Variants in ADCY3 observed in about 807,000 individuals in gnomAD.
ADCY3 encodes adenylate cyclase 3.
A neutral mutation model predicts 119.4 loss-of-function variants in ADCY3; 70 were observed. The ratio of observed to expected loss-of-function variants is 0.59; its 90% CI spans 0.48 to 0.72. The LOEUF (loss-of-function observed/expected upper bound fraction) is 0.72, where lower values mean the gene tolerates loss of function less well. ADCY3 is among the 30% of genes least tolerant of loss of function. The pLI is 0.00. For missense variants in ADCY3, 1,238 were observed against 1,541.6 expected (o/e 0.80, Z 3.30); for synonymous variants, 672 against 621.4 (o/e 1.08, Z -1.21).
At chr2:24,821,451 G>T in intron 20 of ADCY3, 66 bp downstream of exon 20, 1 of 1,590,492 alleles carries the variant, frequency 6.3e-7, no homozygotes. Flanking sequence ...GTCTCTCCTG[G>T]TGGTGGGCCA....
Position 24,831,664 on chromosome 2 carries a change from G to T in ADCY3, c.2053C>A (p.Arg685=). ...CTCAGTAGAAAAGTGCCTCTTACCC[G>T]GGGAAAGATGGCAGCCAGGGAGCAG... ...TICSLAAIFP[R]AFPKKLVAFS... The change falls in exon 12 of 22, where the codon CGG becomes AGG. Residue 685 remains arginine, a splice_region_variant and synonymous_variant. Coordinates refer to ENST00000679454, the MANE Select transcript of ADCY3 (RefSeq NM_004036.5). 1 of 1,613,076 alleles carries T rather than the reference G, an allele frequency of 6.2e-7. No homozygotes were observed. The highest frequency in any genetic ancestry group is 2.2e-5 in the East Asian group (1 of 44,864).
chr2:24,822,354 A>G (rs1667898098), intron 19 of ADCY3, 157 bp downstream of exon 19: 2 of 1,104,264 alleles, frequency 1.8e-6, no homozygotes, highest in Admixed American at 2.3e-5. Flanking sequence ...AACTTTCTCA[A>G]TAAACCCTAT....
chr2:24,820,171 C>T (rs528098628), intron 21 of ADCY3, 57 bp from the exon 22 acceptor site: 18 of 431,352 alleles, frequency 4.2e-5, no homozygotes, highest in South Asian at 8.3e-5. Flanking sequence ...AGACTGAGGG[C>T]GGGTGGGGGC....
At chr2:24,908,468 C>T (rs1201219686) in intron 2 of ADCY3, among the ~76,000 whole-genome samples, 5 of 152,214 alleles carry the variant, frequency 3.3e-5, no homozygotes, top group South Asian at 2.1e-4. Flanking sequence ...TAGTTGATTA[C>T]GCAGAAAAGA....
chr2:24,851,402 C>G (rs935715393), intron 3 of ADCY3, among the ~76,000 whole-genome samples: 4 of 152,218 alleles, frequency 2.6e-5, no homozygotes, highest in Non-Finnish European at 4.4e-5. Context: ...AATCATCCCT[C>G]TCCTTTGCTA....
intron 3 of ADCY3, among the ~76,000 whole-genome samples, chr2:24,862,597 C>A (rs1328659680): frequency 6.6e-6 from 1 of 151,490 alleles, no homozygotes; most frequent in African/African-American, 2.4e-5. Flanking sequence ...AAAAATCAAG[C>A]TCGGGTCCCA....
At position 24,821,561 on chromosome 2, in the gene ADCY3, G is replaced by C; in HGVS notation, c.3083C>G (p.Thr1028Ser). 2 of 1,614,170 alleles carry C rather than the reference G, an allele frequency of 1.2e-6. No individual in the cohort carries two copies. Among genetic ancestry groups the C allele is most frequent in the Non-Finnish European group, 1.7e-6 (2 of 1,180,002 alleles). ...DFALAMKDTL[T>S]NINNQSFNNF... is the part of the protein sequence containing the mutation. ...ATTGAAGGACTGGTTGTTGATGTTG[G>C]TGAGCGTATCCTTCATGGCCAGCGC... The change falls in exon 20 of 22, where the codon ACC (threonine) becomes AGC (serine). Residue 1028 changes from threonine to serine, a missense_variant. Thr to Ser is a moderately conservative substitution (Grantham distance 58, BLOSUM62 1). Coordinates refer to ENST00000679454, the MANE Select transcript of ADCY3 (RefSeq NM_004036.5).
At chr2:24,820,675 T>C in intron 21 of ADCY3, 49 bp downstream of exon 21, 1 of 1,610,608 alleles carries the variant, frequency 6.2e-7, no homozygotes, top group East Asian at 2.2e-5. Flanking sequence ...GTTCCGGTTT[T>C]GTTCTCATGC....
rs12052322 is a variant in ADCY3 at position 24,892,259 on chromosome 2, T to G, written c.676-19540A>C. Among the ~76,000 whole-genome samples, 11 of 151,954 alleles carry G rather than the reference T, an allele frequency of 7.2e-5. No homozygotes were observed. In the East Asian group the frequency reaches 2.1e-3, roughly 29 times the overall value. On this transcript the variant is annotated intron_variant, in intron 2 of 21. Coordinates refer to ENST00000679454, the MANE Select transcript of ADCY3 (RefSeq NM_004036.5). ...CTTTTAAAGTGTATTGAGTCTTTTT[T>G]TTTTTTTGAGATGGAGTCTGGCTCT... is the stretch of plus-strand genomic sequence containing the variant.
At position 24,828,102 on chromosome 2, in the gene ADCY3, CTCCGTTTCCA is replaced by C; in HGVS notation, c.2222_2231del (p.Met741ArgfsTer32). On this transcript the variant is annotated frameshift_variant, in exon 14 of 22. Coordinates refer to ENST00000679454, the MANE Select transcript of ADCY3 (RefSeq NM_004036.5). LOFTEE classifies it high-confidence loss of function. ...ACTTGGGGTTCTCCAGGCAGCTGCC[CTCCGTTTCCA>C]TCCCTGCCGTTGCATTGCTGGGTCC... The C allele has an allele frequency of 6.2e-7, 1 of 1,614,146 alleles. No individual in the cohort carries two copies. Among genetic ancestry groups the C allele is most frequent in the Non-Finnish European group, 8.5e-7 (1 of 1,180,024 alleles).
At chr2:24,906,911 A>G (rs955002911) in intron 2 of ADCY3, among the ~76,000 whole-genome samples, 1 of 152,120 alleles carries the variant, frequency 6.6e-6, no homozygotes, top group African/African-American at 2.4e-5. Context: ...CAGGTGGATC[A>G]CTTGAGATCA....
chr2:24,856,837 C>T (rs557236550), intron 3 of ADCY3, among the ~76,000 whole-genome samples: 8 of 152,188 alleles, frequency 5.3e-5, no homozygotes, highest in South Asian at 2.1e-4. Context: ...AATGGTCACA[C>T]GTGGGAGAGA....
At chr2:24,840,146 C>A in intron 6 of ADCY3, 115 bp from the exon 7 acceptor site, 1 of 1,375,366 alleles carries the variant, frequency 7.3e-7, no homozygotes, top group African/African-American at 1.4e-5. Flanking sequence ...CAAGAGGGGG[C>A]CTGGCAAGGT....
chr2:24,904,803 A>G (rs904678961), intron 2 of ADCY3, among the ~76,000 whole-genome samples: 3 of 151,478 alleles, frequency 2.0e-5, no homozygotes, highest in Non-Finnish European at 4.4e-5. Context: ...CACCACGTCC[A>G]GCTAATTTTG....
At chr2:24,892,816 C>T (rs1479184030) in intron 2 of ADCY3, among the ~76,000 whole-genome samples, 2 of 151,924 alleles carry the variant, frequency 1.3e-5, no homozygotes, top group African/African-American at 4.8e-5. Context: ...ATAGCCACAC[C>T]ATCTTTATTT....
chr2:24,825,693 G>A (rs2148406789), intron 16 of ADCY3: 2 of 257,940 alleles, frequency 7.8e-6, no homozygotes, highest in East Asian at 1.1e-4. Context: ...GGTCAGTTGT[G>A]TTAATGTCCC....
At chr2:24,859,031 G>C (rs1304363016) in intron 3 of ADCY3, among the ~76,000 whole-genome samples, 1 of 152,240 alleles carries the variant, frequency 6.6e-6, no homozygotes, top group Admixed American at 6.5e-5. Context: ...AAGGACCAGT[G>C]CCTACTTCGC....
At position 24,841,259 on chromosome 2, in the gene ADCY3, G is replaced by A. The variant is rs1268566357; in HGVS notation, c.1196C>T (p.Ser399Leu). Reference protein sequence around the residue: ...LMGLAMVEAISYVREKTKTGV... With the variant: ...LMGLAMVEAILYVREKTKTGV... ...TCCCTCCCAGAGGCATCCCACTTAC[G>A]AGATGGCCTCCACCATGGCCAGCCC... The change falls in exon 6 of 22, where the codon TCG becomes TTG. Residue 399 changes from serine (S) to leucine (L), a missense_variant and splice_region_variant. By Grantham distance (145) the Ser-to-Leu change is moderately radical. This residue lies in a region of ADCY3 where 283 missense variants were observed against 437.2 expected (regional missense o/e 0.65). Coordinates refer to ENST00000679454, the MANE Select transcript of ADCY3 (RefSeq NM_004036.5). The surrounding 1 kb of genome is among the most constrained non-coding windows in gnomAD (Gnocchi z 5.8). 4.5e-6 allele frequency: 7 copies of A among 1,557,142 alleles called. No individual in the cohort carries two copies. Among genetic ancestry groups the A allele is most frequent in the South Asian group, 1.2e-5 (1 of 84,630 alleles).
chr2:24,910,699 T>C (rs1663501586), intron 2 of ADCY3, among the ~76,000 whole-genome samples: 1 of 148,882 alleles, frequency 6.7e-6, no homozygotes, highest in East Asian at 2.0e-4. Context: ...TCTCCCTCTG[T>C]CACCAGGCAC....
Sources: gnomAD v4.1 joint callset for allele counts (sites outside exome capture counted in the v4.1 genomes callset) on GRCh38, gnomAD v4.1.1 for gene constraint, gnomAD v4.1.1 regional missense constraint, Gnocchi (gnomAD v3.1) non-coding constraint, MANE v1.5 for transcripts, NCBI Gene and HGNC (gene_info 2026-07-23, HGNC 2026-07-21) for gene names.